MTRF1L: variants seen among roughly 807,000 people sequenced by gnomAD.
MTRF1L encodes mitochondrial translation release factor 1 like.
In MTRF1L, 29 loss-of-function variants were observed where a neutral mutation model predicts 40.0. The observed-to-expected ratio is 0.73, with a 90% CI of 0.54 to 0.99. The LOEUF is 0.99. MTRF1L is among the 50% of genes least tolerant of loss of function. MTRF1L has a pLI of 0.00. For missense variants in MTRF1L, 412 were observed against 464.5 expected (o/e 0.89, Z 1.04); for synonymous variants, 150 against 175.8 (o/e 0.85, Z 1.16).
intron 2 of MTRF1L, 111 bp downstream of exon 2, chr6:152,998,439 C>A (rs1456406954): frequency 2.7e-6 from 2 of 728,584 alleles, no homozygotes; most frequent in East Asian, 6.4e-5. Context: ...ATTTAAAAAA[C>A]CCAGTTTATT....
chr6:152,998,832 T>C (rs1477125521), intron 1 of MTRF1L: 14 of 318,566 alleles, frequency 4.4e-5, no homozygotes, highest in Admixed American at 2.0e-4. Context: ...TTAGTTTTCA[T>C]AAGCATGTAA....
In MTRF1L at chr6:153,002,311, TAAA is replaced by T. The variant is rs745897278; in HGVS notation, c.259+113_259+115del. 7.4e-4 allele frequency: 1,103 copies of T among 1,498,854 alleles called. 1 individual carries two copies. The highest frequency in any genetic ancestry group is 1.4e-3 in the Admixed American group (78 of 55,472). 92.8% of individuals were successfully genotyped at this position (1,498,854 alleles called of 1,614,324 possible). A position where few individuals can be genotyped will look rare whatever the true frequency, so the allele number is the denominator to read the frequency against. On this transcript the variant is annotated intron_variant, in intron 1 of 6. Coordinates refer to ENST00000367233, the MANE Select transcript of MTRF1L (RefSeq NM_019041.7). ...TGATGTCCTGACCTCTGATCCAAAATAAAAACGGCTGCAAGTGAGTAAAGAGTT... is the reference window on the plus strand; with the variant it reads ...TGATGTCCTGACCTCTGATCCAAAATAACGGCTGCAAGTGAGTAAAGAGTT...
At position 152,992,897 on chromosome 6, in the gene MTRF1L, A is replaced by C; in HGVS notation, c.765T>G (p.Asn255Lys). The C allele has an allele frequency of 6.2e-7, 1 of 1,612,356 alleles. No homozygotes were observed. Among genetic ancestry groups the C allele is most frequent in the Non-Finnish European group, 8.5e-7 (1 of 1,179,994 alleles). ...RASGAGGQHVNTTDSAVRIVH... is the reference protein window; with the variant it reads ...RASGAGGQHVKTTDSAVRIVH... ...CTATCCGGACAGCACTGTCCGTGGT[A>C]TTTACATGCTGCCCCCCAGCTCCAC... Residue 255 changes from asparagine (N) to lysine (K), a missense_variant, in exon 5 of 7, where the codon AAT (asparagine) becomes AAG (lysine). Asn to Lys is a moderately conservative substitution (Grantham distance 94). Transcript: ENST00000367233.
intron 3 of MTRF1L, 81 bp downstream of exon 3, chr6:152,995,055 A>G (rs1019871403): frequency 1.6e-6 from 2 of 1,251,884 alleles, no homozygotes; most frequent in Non-Finnish European, 2.2e-6. Context: ...ATCCTCACAG[A>G]TAAGTTCTAA....
In MTRF1L at chr6:152,995,247, C is replaced by G. The variant is rs1169411372; in HGVS notation, c.412G>C (p.Gly138Arg). ...DLILEVTAGVGGQEAMLFTSE... is the reference protein window; with the variant it reads ...DLILEVTAGVRGQEAMLFTSE... Reference sequence around the variant, plus strand: ...GTAAACAACATTGCCTCCTGACCTCCAACTCCTGCAGTTACTTCCAGGATC... The same window carrying G: ...GTAAACAACATTGCCTCCTGACCTCGAACTCCTGCAGTTACTTCCAGGATC... The change falls in exon 3 of 7, where the codon GGA becomes CGA. Residue 138 changes from glycine to arginine, a missense_variant. Coordinates refer to ENST00000367233, the MANE Select transcript of MTRF1L (RefSeq NM_019041.7). 5 of 1,609,484 alleles carry G rather than the reference C, an allele frequency of 3.1e-6. No homozygotes were observed. The African/African-American group carries it at 6.7e-5, about 22-fold the overall frequency.
chr6:152,988,181 C>T lies in MTRF1L; in HGVS notation c.*1714G>A, dbSNP rs556628550. ...GGCTTTCTTGCTGTGTTCTCACATACAGAAGGCAAGCTAGCAGGATGCTCC... is the reference window on the plus strand; with the variant it reads ...GGCTTTCTTGCTGTGTTCTCACATATAGAAGGCAAGCTAGCAGGATGCTCC... On this transcript the variant is annotated 3_prime_UTR_variant, in exon 7 of 7. Transcript: ENST00000367233. The T allele has an allele frequency of 1.9e-4, 11 of 57,018 alleles. 4 individuals carry two copies. The East Asian group carries it at 3.2e-3, about 17-fold the overall frequency. The allele number at this position is 57,018 out of a possible 1,614,324, so 3.5% of individuals were successfully genotyped here. A position where few individuals can be genotyped will look rare whatever the true frequency, so the allele number is the denominator to read the frequency against.
rs1778645166 is a variant in MTRF1L at position 152,994,589 on chromosome 6, C to T, written c.611G>A (p.Arg204Lys). 5 of 1,613,588 alleles carry T rather than the reference C, an allele frequency of 3.1e-6. No homozygotes were observed. The highest frequency in any genetic ancestry group is 4.2e-6 in the Non-Finnish European group (5 of 1,180,012). ...GCCTTGCTTTTCTGTCTTTGGCACT[C>T]TTTGTACTCTGTGAACACCTCCTTC... is the stretch of plus-strand genomic sequence containing the variant. Reference protein sequence around the residue: ...KFEGGVHRVQRVPKTEKQGRV... With the variant: ...KFEGGVHRVQKVPKTEKQGRV... Residue 204 changes from arginine (R) to lysine (K), a missense_variant, in exon 4 of 7, where the codon AGA becomes AAA. Coordinates refer to ENST00000367233, the MANE Select transcript of MTRF1L (RefSeq NM_019041.7).
chr6:152,991,074 G>T, intron 6 of MTRF1L, 111 bp downstream of exon 6: 1 of 682,880 alleles, frequency 1.5e-6, no homozygotes, highest in Non-Finnish European at 2.3e-6. Flanking sequence ...TACTTGAATT[G>T]TTTTCAACAC....
intron 2 of MTRF1L, among the ~76,000 whole-genome samples, chr6:152,998,007 A>G (rs1778771802): frequency 6.6e-6 from 1 of 152,044 alleles, no homozygotes; most frequent in South Asian, 2.1e-4. Flanking sequence ...TTGCTTACCA[A>G]AGTGTCTTGA....
intron 4 of MTRF1L, 107 bp downstream of exon 4, chr6:152,994,406 C>A (rs1778635656): frequency 2.5e-6 from 3 of 1,201,704 alleles, no homozygotes; most frequent in South Asian, 3.9e-5. Context: ...TCAAAATACA[C>A]AAGGAAGACC....
chr6:153,001,178 T>A (rs912666298), intron 1 of MTRF1L, among the ~76,000 whole-genome samples: 1 of 152,066 alleles, frequency 6.6e-6, no homozygotes, highest in Non-Finnish European at 1.5e-5. Flanking sequence ...TGGCCAAGGA[T>A]CTCTTACTTC....
chr6:152,989,838 T>C lies in MTRF1L; in HGVS notation c.*57A>G, dbSNP rs1227610253. ...AGAGAGTAAGGGTACTTTCACCCTA[T>C]GTGGATGTACTGTAGAATTTTTCTA... On this transcript the variant is annotated 3_prime_UTR_variant, in exon 7 of 7. Transcript: ENST00000367233. The C allele has an allele frequency of 2.6e-5, 40 of 1,520,170 alleles. No individual in the cohort carries two copies. Among genetic ancestry groups the C allele is most frequent in the Non-Finnish European group, 3.4e-5 (39 of 1,138,028 alleles). The allele number at this position is 1,520,170 out of a possible 1,614,324, so 94.2% of individuals were successfully genotyped here.
At position 152,991,253 on chromosome 6, in the gene MTRF1L, G is replaced by C. The variant is rs773341394; in HGVS notation, c.874C>G (p.Arg292Gly). ...KNKELAMTKL[R>G]AKLYSMHLEE... ...AGATGCATGCTGTACAGTTTTGCAC[G>C]TAACTTTGTCATAGCCAGCTCTTTA... Residue 292 changes from arginine (R) to glycine (G), a missense_variant, in exon 6 of 7, where the codon CGT becomes GGT. By Grantham distance (125) the Arg-to-Gly change is moderately radical. Coordinates refer to ENST00000367233, the MANE Select transcript of MTRF1L (RefSeq NM_019041.7). The C allele has an allele frequency of 1.9e-6, 3 of 1,598,828 alleles. No individual in the cohort carries two copies. In the African/African-American group the frequency reaches 4.0e-5, roughly 22 times the overall value.
In MTRF1L at chr6:152,992,913, C is replaced by G. The variant is rs1778578847; in HGVS notation, c.749G>C (p.Gly250Ala). The G allele has an allele frequency of 2.5e-6, 4 of 1,612,468 alleles. No individual in the cohort carries two copies. Among genetic ancestry groups the G allele is most frequent in the Non-Finnish European group, 3.4e-6 (4 of 1,180,002 alleles). The change falls in exon 5 of 7, where the codon GGG becomes GCG. Residue 250 changes from glycine (G) to alanine (A), a missense_variant. Physicochemically the swap from Gly to Ala is moderately conservative, Grantham distance 60. Transcript: ENST00000367233. ...GTCCGTGGTATTTACATGCTGCCCCCCAGCTCCACTGGCTCGCTTAGTGTC... is the reference window on the plus strand; with the variant it reads ...GTCCGTGGTATTTACATGCTGCCCCGCAGCTCCACTGGCTCGCTTAGTGTC... ...RIDTKRASGA[G>A]GQHVNTTDSA...
rs770714484 is a variant in MTRF1L at position 152,995,241 on chromosome 6, G to T, written c.418C>A (p.Gln140Lys). The T allele has an allele frequency of 1.2e-6, 2 of 1,609,786 alleles. No individual in the cohort carries two copies. Among genetic ancestry groups the T allele is most frequent in the South Asian group, 2.2e-5 (2 of 90,626 alleles). Residue 140 changes from glutamine to lysine, a missense_variant, in exon 3 of 7, where the codon CAG (glutamine) becomes AAG (lysine). Transcript: ENST00000367233. ...ILEVTAGVGG[Q>K]EAMLFTSEIF... ...TCTGATGTAAACAACATTGCCTCCT[G>T]ACCTCCAACTCCTGCAGTTACTTCC... is the stretch of plus-strand genomic sequence containing the variant.
intron 4 of MTRF1L, 51 bp downstream of exon 4, chr6:152,994,462 C>G (rs1469300127): frequency 6.6e-7 from 1 of 1,506,470 alleles, no homozygotes; most frequent in Admixed American, 2.2e-5. Flanking sequence ...ACTCTGGGGA[C>G]AAGGCACTGT....
chr6:152,991,415 T>C, intron 5 of MTRF1L, 94 bp from the exon 6 acceptor site: 1 of 1,365,048 alleles, frequency 7.3e-7, no homozygotes, highest in Non-Finnish European at 9.7e-7. Context: ...TTTTTCTTCT[T>C]CCTTTATGAG....
At chr6:152,992,808 T>C in intron 5 of MTRF1L, 49 bp downstream of exon 5, 1 of 1,394,026 alleles carries the variant, frequency 7.2e-7, no homozygotes, top group Non-Finnish European at 1.0e-6. Context: ...GTCATATTAT[T>C]CCAAAATTGA....
intron 2 of MTRF1L, 117 bp downstream of exon 2, chr6:152,998,433 A>T (rs743010): frequency 0.2 from 139,651 of 700,494 alleles, 15,391 homozygotes; most frequent in Non-Finnish European, 0.23. Context: ...AAATAAATTT[A>T]AAAAACCCAG....
Sources: gnomAD v4.1 joint callset for allele counts (sites outside exome capture counted in the v4.1 genomes callset) on GRCh38, gnomAD v4.1.1 for gene constraint, MANE v1.5 for transcripts, NCBI Gene and HGNC (gene_info 2026-07-23, HGNC 2026-07-21) for gene names.